The following THSD7A variants were observed in gnomAD, a reference collection of about 807,000 sequenced individuals.
The protein encoded by THSD7A is thrombospondin type 1 domain containing 7A.
In THSD7A, 96 loss-of-function variants were observed where a neutral mutation model predicts 231.3. The ratio of observed to expected loss-of-function variants is 0.41; its 90% CI spans 0.35 to 0.49. THSD7A has a LOEUF of 0.49. THSD7A is among the 20% of genes least tolerant of loss of function. The probability of loss-of-function intolerance (pLI) is 0.05; values close to 1 mark genes in which losing one functional copy is unlikely to be tolerated. For missense variants in THSD7A, 2,290 were observed against 2,070.2 expected, an observed-to-expected ratio of 1.11 and a Z score of -2.06; for synonymous variants, 940 against 743.3, an observed-to-expected ratio of 1.26 and a Z score of -4.30.
chr7:11,723,894 G>A (rs988126405), intron 1 of THSD7A, among the ~76,000 whole-genome samples: 2 of 151,912 alleles, frequency 1.3e-5, no homozygotes, highest in Non-Finnish European at 2.9e-5. Flanking sequence ...TTGGAAGGAT[G>A]TTGGATCTTA....
intron 1 of THSD7A, among the ~76,000 whole-genome samples, chr7:11,662,726 A>C (rs374367637): frequency 6.6e-6 from 1 of 151,376 alleles, no homozygotes; most frequent in Non-Finnish European, 1.5e-5. Flanking sequence ...ATAATCTCTG[A>C]CCACATTGGA....
intron 13 of THSD7A, among the ~76,000 whole-genome samples, chr7:11,438,951 C>T (rs918904728): frequency 6.6e-6 from 1 of 151,894 alleles, no homozygotes; most frequent in African/African-American, 2.4e-5. Context: ...AATATTTTGG[C>T]TGATATATTC....
intron 2 of THSD7A, among the ~76,000 whole-genome samples, chr7:11,622,511 A>T (rs969328212): frequency 3.9e-5 from 6 of 152,152 alleles, no homozygotes; most frequent in Non-Finnish European, 8.8e-5. Context: ...TAAGTTGTAA[A>T]GTTCTGACTT....
chr7:11,394,271 A>C (rs1783095953), intron 23 of THSD7A, among the ~76,000 whole-genome samples: 1 of 152,210 alleles, frequency 6.6e-6, no homozygotes. Context: ...TAAGCTTCAT[A>C]AGCAAAGGAG....
Position 11,474,392 on chromosome 7 carries a change from T to C in THSD7A, c.2194A>G (p.Met732Val), listed in dbSNP as rs1166134252. 2 of 1,613,462 alleles carry C rather than the reference T, an allele frequency of 1.2e-6. No individual in the cohort carries two copies. The highest frequency in any genetic ancestry group is 1.6e-4 in the Middle Eastern group (1 of 6,080). ...ACACAGATGACTTTTCTTGTCTGCA[T>C]GCCGACAGAGCAGGAGGCCTCCCCA... The part of the protein sequence containing the change: ...WNGEASCSVG[M>V]QTRKVICVRV... The change falls in exon 8 of 28, where the codon ATG becomes GTG. Residue 732 changes from methionine (M) to valine (V), a missense_variant. Coordinates refer to ENST00000423059, the MANE Select transcript of THSD7A (RefSeq NM_015204.3). This position sits in a 1 kb window ranked among gnomAD's most constrained non-coding sequence, Gnocchi z 4.1.
At chr7:11,650,296 G>A (rs1452642668) in intron 1 of THSD7A, among the ~76,000 whole-genome samples, 1 of 151,934 alleles carries the variant, frequency 6.6e-6, no homozygotes, top group Non-Finnish European at 1.5e-5. Context: ...TGTGGACAAC[G>A]TCTCCTGCAT....
chr7:11,564,979 T>C (rs939278891), intron 4 of THSD7A, among the ~76,000 whole-genome samples: 1 of 152,194 alleles, frequency 6.6e-6, no homozygotes, highest in African/African-American at 2.4e-5. Flanking sequence ...TTGTTGGGGA[T>C]ATGACTCTTC....
At chr7:11,517,804 T>G (rs149051138) in intron 6 of THSD7A, among the ~76,000 whole-genome samples, 1 of 152,360 alleles carries the variant, frequency 6.6e-6, no homozygotes, top group African/African-American at 2.4e-5. Flanking sequence ...CTAATTTGCA[T>G]TCTTCCCATC....
chr7:11,671,824 T>G (rs1321784172), intron 1 of THSD7A, among the ~76,000 whole-genome samples: 2 of 152,144 alleles, frequency 1.3e-5, no homozygotes, highest in African/African-American at 2.4e-5. Context: ...CCACAGCAAT[T>G]CACATTTTTT....
chr7:11,715,724 G>A (rs1189515079), intron 1 of THSD7A, among the ~76,000 whole-genome samples: 2 of 151,398 alleles, frequency 1.3e-5, no homozygotes, highest in African/African-American at 2.4e-5. Context: ...TTCTGCAGAA[G>A]CCCAGACCCC....
chr7:11,782,076 C>G (rs1583286682), intron 1 of THSD7A, among the ~76,000 whole-genome samples: 1 of 152,086 alleles, frequency 6.6e-6, no homozygotes, highest in African/African-American at 2.4e-5. Context: ...ATACAGTCAC[C>G]TTTGGTTAAA....
chr7:11,800,063 A>G (rs947362551), intron 1 of THSD7A, among the ~76,000 whole-genome samples: 5 of 152,266 alleles, frequency 3.3e-5, no homozygotes, highest in African/African-American at 9.6e-5. Context: ...TGGCTTCACT[A>G]TGTGCACTGA....
intron 1 of THSD7A, among the ~76,000 whole-genome samples, chr7:11,767,247 T>C (rs1783057952): frequency 6.6e-6 from 1 of 152,202 alleles, no homozygotes; most frequent in Non-Finnish European, 1.5e-5. Flanking sequence ...GCCCCAAACC[T>C]TGTACCAGAA....
intron 4 of THSD7A, among the ~76,000 whole-genome samples, chr7:11,572,353 T>G (rs1790674630): frequency 6.6e-6 from 1 of 152,226 alleles, no homozygotes; most frequent in South Asian, 2.1e-4. Context: ...GCCTTCCTTT[T>G]GCAATCCTCA....
chr7:11,636,387 C>T lies in THSD7A; in HGVS notation c.765G>A (p.Leu255=), dbSNP rs200551238. Residue 255 remains leucine (L), a synonymous_variant, in exon 2 of 28, where the codon CTG becomes CTA. Transcript: ENST00000423059. The surrounding 1 kb of genome is among the most constrained non-coding windows in gnomAD (Gnocchi z 10.0). ...PCEAEELRYS[L]HVGPWSTCSM... ...AGCAGGTGCTCCAGGGCCCCACATG[C>T]AGGCTGTACCTGAGCTCCTCGGCCT... 8.1e-6 allele frequency: 13 copies of T among 1,613,820 alleles called. No individual in the cohort carries two copies. The highest frequency in any genetic ancestry group is 1.3e-5 in the African/African-American group (1 of 75,062).
At chr7:11,538,994 T>C (rs1025342153) in intron 6 of THSD7A, among the ~76,000 whole-genome samples, 1 of 152,218 alleles carries the variant, frequency 6.6e-6, no homozygotes, top group African/African-American at 2.4e-5. Context: ...CTTTTTATTA[T>C]TTCTTCAGTT....
chr7:11,719,575 C>T (rs891466721), intron 1 of THSD7A, among the ~76,000 whole-genome samples: 1 of 151,612 alleles, frequency 6.6e-6, no homozygotes, highest in Non-Finnish European at 1.5e-5. Context: ...ACACATGGAT[C>T]GCTCGGTCCT....
At chr7:11,711,890 G>T (rs999377120) in intron 1 of THSD7A, among the ~76,000 whole-genome samples, 1 of 151,002 alleles carries the variant, frequency 6.6e-6, no homozygotes, top group Non-Finnish European at 1.5e-5. Context: ...TGTTTTAGGG[G>T]ATCACTTATT....
chr7:11,417,473 C>T lies in THSD7A; in HGVS notation c.3514G>A (p.Gly1172Ser). 3.1e-6 allele frequency: 5 copies of T among 1,607,962 alleles called. No homozygotes were observed. The highest frequency in any genetic ancestry group is 4.2e-6 in the Non-Finnish European group (5 of 1,178,210). ...ACCAAAACACATTGGGTCCATGGAC[C>T]CCATTCAGATATCACACAGTCCTCA... ...CPEDCVISEW[G>S]PWTQCVLPCN... The change falls in exon 17 of 28, where the codon GGT (glycine) becomes AGT (serine). Residue 1172 changes from glycine (G) to serine (S), a missense_variant. Gly to Ser is a moderately conservative substitution (Grantham distance 56). Transcript: ENST00000423059.
Sources: gnomAD v4.1 joint callset for allele counts (sites outside exome capture counted in the v4.1 genomes callset) on GRCh38, gnomAD v4.1.1 for gene constraint, Gnocchi (gnomAD v3.1) non-coding constraint, MANE v1.5 for transcripts, NCBI Gene and HGNC (gene_info 2026-07-23, HGNC 2026-07-21) for gene names.